The following SLC8A1 variants were observed in gnomAD, a reference collection of about 807,000 sequenced individuals.
SLC8A1 encodes the protein solute carrier family 8 member A1.
In SLC8A1, 18 loss-of-function variants were observed where a neutral mutation model predicts 68.3. That is an observed-to-expected ratio of 0.26 (90% CI 0.18 to 0.39). The LOEUF (loss-of-function observed/expected upper bound fraction) is 0.39, where lower values mean the gene tolerates loss of function less well. Among genes scored for constraint, SLC8A1 ranks in the 10% least tolerant of loss-of-function variants. The pLI is 1.00. For missense variants in SLC8A1, 985 were observed against 1,156.7 expected (o/e 0.85, Z 2.15); for synonymous variants, 475 against 415.5 (o/e 1.14, Z -1.74).
chr2:40,420,674 T>C (rs1695245408), intron 2 of SLC8A1, among the ~76,000 whole-genome samples: 3 of 152,200 alleles, frequency 2.0e-5, no homozygotes, highest in Non-Finnish European at 4.4e-5. Flanking sequence ...CGGGGTGCAA[T>C]GTGGTTAATA....
chr2:40,269,215 T>A (rs2065729067), intron 2 of SLC8A1, among the ~76,000 whole-genome samples: 1 of 152,250 alleles, frequency 6.6e-6, no homozygotes, highest in African/African-American at 2.4e-5. Flanking sequence ...GACTGTTAGC[T>A]TATTTTAACT....
exon 8 of SLC8A1, chr2:40,103,558 G>T (rs1027414243): frequency 1.3e-5 from 2 of 151,950 alleles, no homozygotes; most frequent in Non-Finnish European, 2.9e-5. Context: ...AAAAATAACT[G>T]GTTAGTTTTT....
chr2:40,193,141 T>G (rs34658168), intron 2 of SLC8A1, among the ~76,000 whole-genome samples: 1,570 of 152,258 alleles, frequency 0.01, 10 homozygotes, highest in African/African-American at 0.015. Context: ...TACATATGTT[T>G]TAGATAAAAA....
chr2:40,117,403 A>C (rs2035706055), intron 7 of SLC8A1, among the ~76,000 whole-genome samples: 1 of 147,954 alleles, frequency 6.8e-6, no homozygotes, highest in Admixed American at 6.7e-5. Context: ...AAAAAAAAAA[A>C]AAAAAAAAAA....
At chr2:40,416,586 G>C (rs1576314766) in intron 2 of SLC8A1, among the ~76,000 whole-genome samples, 1 of 152,190 alleles carries the variant, frequency 6.6e-6, no homozygotes, top group East Asian at 1.9e-4. Context: ...AAAACCCATA[G>C]ATTATTTACT....
At chr2:40,234,361 A>G (rs2060081276) in intron 2 of SLC8A1, among the ~76,000 whole-genome samples, 2 of 151,900 alleles carry the variant, frequency 1.3e-5, no homozygotes, top group South Asian at 2.1e-4. Context: ...CTTTGAAGCA[A>G]TTGTGAATGG....
At chr2:40,218,166 G>A (rs1360835837) in intron 2 of SLC8A1, among the ~76,000 whole-genome samples, 2 of 152,122 alleles carry the variant, frequency 1.3e-5, no homozygotes, top group Non-Finnish European at 2.9e-5. Context: ...GAATGAATTA[G>A]ATCTAAGTTA....
At chr2:40,467,218 C>T (rs1017655072) in intron 1 of SLC8A1, among the ~76,000 whole-genome samples, 13 of 152,124 alleles carry the variant, frequency 8.5e-5, no homozygotes, top group Non-Finnish European at 1.9e-4. Context: ...TCAATTTTTA[C>T]GTGTCCAAAG....
chr2:40,296,022 G>T (rs1303157111), intron 2 of SLC8A1, among the ~76,000 whole-genome samples: 1 of 151,840 alleles, frequency 6.6e-6, no homozygotes, highest in African/African-American at 2.4e-5. Context: ...TTTGAGAATT[G>T]TGTTTATTGT....
chr2:40,324,046 C>A (rs2075535560), intron 2 of SLC8A1, among the ~76,000 whole-genome samples: 1 of 150,996 alleles, frequency 6.6e-6, no homozygotes, highest in African/African-American at 2.4e-5. Flanking sequence ...GGGCTGTTAA[C>A]AATTACAGTA....
chr2:40,341,661 T>G (rs540617156), intron 2 of SLC8A1, among the ~76,000 whole-genome samples: 3 of 152,198 alleles, frequency 2.0e-5, no homozygotes, highest in Non-Finnish European at 4.4e-5. Flanking sequence ...AACGTAAAAA[T>G]TGCAGTTAAT....
At chr2:40,304,575 G>A (rs2072207698) in intron 2 of SLC8A1, among the ~76,000 whole-genome samples, 2 of 152,062 alleles carry the variant, frequency 1.3e-5, no homozygotes, top group African/African-American at 4.8e-5. Context: ...TTGGCACATG[G>A]CCTGTCCTTT....
At chr2:40,396,835 A>T (rs994172470) in intron 2 of SLC8A1, among the ~76,000 whole-genome samples, 5 of 151,494 alleles carry the variant, frequency 3.3e-5, no homozygotes, top group African/African-American at 1.2e-4. Context: ...TATCAATGAC[A>T]ATTATTCCAG....
intron 2 of SLC8A1, among the ~76,000 whole-genome samples, chr2:40,304,888 A>G (rs1208304950): frequency 1.3e-5 from 2 of 152,090 alleles, no homozygotes; most frequent in Non-Finnish European, 2.9e-5. Context: ...TCAGGTGAAC[A>G]TGGACTTCCG....
At chr2:40,429,957 A>C in exon 2 of SLC8A1, 1 of 1,613,372 alleles carries the variant, frequency 6.2e-7, no homozygotes, top group Non-Finnish European at 8.5e-7. Flanking sequence ...CTTTTTCTTG[A>C]GATGTGATGA....
At chr2:40,284,594 T>C (rs1303555470) in intron 2 of SLC8A1, among the ~76,000 whole-genome samples, 1 of 147,688 alleles carries the variant, frequency 6.8e-6, no homozygotes, top group Non-Finnish European at 1.5e-5. Flanking sequence ...AGATATTTTG[T>C]TATTACATTA....
chr2:40,405,459 T>C (rs1359580754), intron 2 of SLC8A1, among the ~76,000 whole-genome samples: 1 of 152,226 alleles, frequency 6.6e-6, no homozygotes, highest in Middle Eastern at 3.2e-3. Flanking sequence ...TAAAATACAA[T>C]GGATGTGTCA....
At chr2:40,358,048 G>GAAA (rs776231355) in intron 2 of SLC8A1, among the ~76,000 whole-genome samples, 36 of 77,694 alleles carry the variant, frequency 4.6e-4, no homozygotes, top group Middle Eastern at 8.6e-3. Context: ...GCAACTGAAG[G>GAAA]AAAAAAAAAA....
At chr2:40,411,782 A>G (rs1692234962) in intron 2 of SLC8A1, among the ~76,000 whole-genome samples, 1 of 152,102 alleles carries the variant, frequency 6.6e-6, no homozygotes, top group African/African-American at 2.4e-5. Flanking sequence ...TGTACACACT[A>G]AAATGTAAAA....
Sources: gnomAD v4.1 joint callset for allele counts (sites outside exome capture counted in the v4.1 genomes callset) on GRCh38, gnomAD v4.1.1 for gene constraint, MANE v1.5 for transcripts, NCBI Gene and HGNC (gene_info 2026-07-23, HGNC 2026-07-21) for gene names.